Variants in PTPRT observed in about 807,000 individuals in gnomAD.
The protein encoded by PTPRT is receptor-type tyrosine-protein phosphatase T.
In PTPRT, 56 loss-of-function variants were observed where a neutral mutation model predicts 176.8. The ratio of observed to expected loss-of-function variants is 0.32; its 90% CI spans 0.26 to 0.40. The LOEUF is 0.40. Among genes scored for constraint, PTPRT ranks in the 10% least tolerant of loss-of-function variants. The pLI is 1.00. For missense variants in PTPRT, 1,540 were observed against 1,908.2 expected (o/e 0.81, Z 3.60); for synonymous variants, 783 against 739.0 (o/e 1.06, Z -0.96).
chr20:42,320,788 T>C (rs1307382910), intron 11 of PTPRT, among the ~76,000 whole-genome samples: 1 of 152,158 alleles, frequency 6.6e-6, no homozygotes, highest in Non-Finnish European at 1.5e-5. Flanking sequence ...CCAAAGGCTT[T>C]TGAACCTCCA....
At chr20:42,496,943 G>C (rs970389506) in intron 7 of PTPRT, among the ~76,000 whole-genome samples, 4 of 152,124 alleles carry the variant, frequency 2.6e-5, no homozygotes, top group African/African-American at 9.7e-5. Context: ...TTGGGGGCAA[G>C]CAGACCACTT....
At chr20:43,152,373 A>G (rs1254465297) in intron 1 of PTPRT, among the ~76,000 whole-genome samples, 2 of 152,210 alleles carry the variant, frequency 1.3e-5, no homozygotes, top group East Asian at 3.8e-4. Context: ...ACTAGACAAG[A>G]AAAAAATACA....
intron 1 of PTPRT, among the ~76,000 whole-genome samples, chr20:42,983,509 C>A (rs1170411634): frequency 2.0e-5 from 3 of 152,190 alleles, no homozygotes; most frequent in East Asian, 3.9e-4. Context: ...CAAGTGAAGT[C>A]CCCCTGGATG....
chr20:42,841,642 C>T (rs2078280056), intron 2 of PTPRT, among the ~76,000 whole-genome samples: 1 of 151,784 alleles, frequency 6.6e-6, no homozygotes, highest in South Asian at 2.1e-4. Flanking sequence ...CACACACACA[C>T]ACACACACAC....
chr20:42,649,149 C>T (rs927233363), intron 7 of PTPRT, among the ~76,000 whole-genome samples: 26 of 152,050 alleles, frequency 1.7e-4, no homozygotes, highest in African/African-American at 5.3e-4. Context: ...CTCACAGTTC[C>T]ACGTGGCTGG....
chr20:42,202,140 T>G (rs929861788), intron 15 of PTPRT, among the ~76,000 whole-genome samples: 1 of 152,086 alleles, frequency 6.6e-6, no homozygotes, highest in Non-Finnish European at 1.5e-5. Context: ...CAGCTAAGTT[T>G]TTGTAATTTA....
intron 6 of PTPRT, among the ~76,000 whole-genome samples, chr20:42,723,427 G>T (rs2076331940): frequency 6.6e-6 from 1 of 152,152 alleles, no homozygotes; most frequent in African/African-American, 2.4e-5. Context: ...CGGTGAGCTG[G>T]GCTGTGGGGC....
At chr20:42,624,683 T>C (rs764638292) in intron 7 of PTPRT, among the ~76,000 whole-genome samples, 1 of 152,048 alleles carries the variant, frequency 6.6e-6, no homozygotes, top group South Asian at 2.1e-4. Context: ...AAATCCAGAT[T>C]TGAGGGGCCA....
At chr20:42,603,354 G>C (rs73106455) in intron 7 of PTPRT, among the ~76,000 whole-genome samples, 2,182 of 152,256 alleles carry the variant, frequency 0.014, 24 homozygotes, top group Non-Finnish European at 0.021. Flanking sequence ...AGATCCAGGG[G>C]GCTAGGGGTG....
intron 9 of PTPRT, among the ~76,000 whole-genome samples, chr20:42,425,366 A>C (rs1032275651): frequency 6.6e-6 from 1 of 152,234 alleles, no homozygotes; most frequent in African/African-American, 2.4e-5. Context: ...TCGGTGACTT[A>C]TAAGTTTGAA....
intron 7 of PTPRT, among the ~76,000 whole-genome samples, chr20:42,534,493 G>A (rs992869947): frequency 4.6e-5 from 7 of 152,044 alleles, no homozygotes; most frequent in East Asian, 3.9e-4. Context: ...AAATTTAGCC[G>A]GGCATGGTGG....
rs1336541033 is a variant in PTPRT at position 42,221,520 on chromosome 20, G to A, written c.2342+14709C>T. On this transcript the variant is annotated intron_variant, in intron 15 of 30. Transcript: ENST00000373187. Reference sequence around the variant, plus strand: ...TGGCAGGAGAGAGACAGCATGCAAGGGAAACTGCCACTTTTTTTTTTTTTG... The same window carrying A: ...TGGCAGGAGAGAGACAGCATGCAAGAGAAACTGCCACTTTTTTTTTTTTTG... Among the ~76,000 whole-genome samples the A allele has an allele frequency of 5.6e-5, 8 of 142,736 alleles. No homozygotes were observed. The Admixed American group carries it at 5.8e-4, about 10-fold the overall frequency. 93.6% of individuals were successfully genotyped at this position (142,736 alleles called of 152,430 possible).
downstream of PTPRT, among the ~76,000 whole-genome samples, chr20:42,068,447 G>A (rs543180030): frequency 6.6e-6 from 1 of 152,270 alleles, no homozygotes; most frequent in East Asian, 1.9e-4. Flanking sequence ...GCTTCAAATG[G>A]ATTTGAAAGC....
At chr20:42,818,162 G>A (rs562713595) in intron 2 of PTPRT, among the ~76,000 whole-genome samples, 8 of 152,064 alleles carry the variant, frequency 5.3e-5, no homozygotes, top group East Asian at 1.9e-4. Flanking sequence ...CCAGAAGAAC[G>A]AGCAGGCACC....
intron 2 of PTPRT, among the ~76,000 whole-genome samples, chr20:42,808,224 A>C (rs1316984159): frequency 6.6e-6 from 1 of 152,150 alleles, no homozygotes; most frequent in East Asian, 1.9e-4. Context: ...TCCCTTCCAT[A>C]GCTGCTAGTC....
intron 1 of PTPRT, among the ~76,000 whole-genome samples, chr20:43,154,618 A>G (rs572772737): frequency 6.6e-6 from 1 of 152,284 alleles, no homozygotes; most frequent in African/African-American, 2.4e-5. Flanking sequence ...GTAGTATAAA[A>G]CTACTAGAAG....
At chr20:42,168,453 C>T (rs1989926265) in intron 16 of PTPRT, among the ~76,000 whole-genome samples, 1 of 152,172 alleles carries the variant, frequency 6.6e-6, no homozygotes, top group Non-Finnish European at 1.5e-5. Flanking sequence ...AGTGCCTCCC[C>T]TCTTCTCCCT....
intron 1 of PTPRT, among the ~76,000 whole-genome samples, chr20:42,994,932 T>C (rs1014136108): frequency 2.0e-5 from 3 of 152,186 alleles, no homozygotes; most frequent in African/African-American, 7.2e-5. Context: ...CCTCAGATTA[T>C]GTGATGGGGG....
rs544808925 is a variant in PTPRT, at chr20:42,072,912, A to G, written c.*7967T>C. Reference sequence around the variant, plus strand: ...TCACTGTAATGTACAGTCAAAAAATATATCTGATATTCATTGACCTGACAT... The same window carrying G: ...TCACTGTAATGTACAGTCAAAAAATGTATCTGATATTCATTGACCTGACAT... On this transcript the variant is annotated 3_prime_UTR_variant, in exon 31 of 31. Coordinates refer to ENST00000373187, the MANE Select transcript of PTPRT (RefSeq NM_007050.6). 1 of 224,604 alleles carries G rather than the reference A, an allele frequency of 4.5e-6. No individual in the cohort carries two copies. The highest frequency in any genetic ancestry group is 1.8e-4 in the South Asian group (1 of 5,436). 13.9% of individuals were successfully genotyped at this position (224,604 alleles called of 1,614,324 possible).
Sources: gnomAD v4.1 joint callset for allele counts (sites outside exome capture counted in the v4.1 genomes callset) on GRCh38, gnomAD v4.1.1 for gene constraint, MANE v1.5 for transcripts, NCBI Gene and HGNC (gene_info 2026-07-23, HGNC 2026-07-21) for gene names.